The following UNC80 variants were observed in gnomAD, a reference collection of about 807,000 sequenced individuals.
The protein encoded by UNC80 is protein unc-80 homolog.
A neutral mutation model predicts 384.6 loss-of-function variants in UNC80; 164 were observed. The ratio of observed to expected loss-of-function variants is 0.43; its 90% CI spans 0.38 to 0.49. The LOEUF (loss-of-function observed/expected upper bound fraction) is 0.49, where lower values mean the gene tolerates loss of function less well. UNC80 is among the 20% of genes least tolerant of loss of function. UNC80 has a pLI of 0.00. For synonymous variants in UNC80, 1,486 were observed against 1,527.8 expected, an observed-to-expected ratio of 0.97 and a Z score of 0.64; for missense variants, 3,330 against 4,143.0, an observed-to-expected ratio of 0.80 and a Z score of 5.39.
intron 2 of UNC80, among the ~76,000 whole-genome samples, chr2:209,775,438 G>A (rs1033825908): frequency 1.4e-4 from 22 of 152,248 alleles, no homozygotes; most frequent in African/African-American, 5.3e-4. Context: ...CTTAACACCA[G>A]TTGAAGAAAC....
At chr2:209,859,926 C>A (rs1311683366) in intron 22 of UNC80, among the ~76,000 whole-genome samples, 1 of 152,062 alleles carries the variant, frequency 6.6e-6, no homozygotes, top group Non-Finnish European at 1.5e-5. Context: ...GGAAATTAGA[C>A]CTTTGTCAAA....
intron 47 of UNC80, among the ~76,000 whole-genome samples, chr2:209,948,758 C>T (rs2092024286): frequency 6.6e-6 from 1 of 151,942 alleles, no homozygotes; most frequent in Non-Finnish European, 1.5e-5. Flanking sequence ...GAGGGGATTT[C>T]CAATATTTCA....
intron 22 of UNC80, among the ~76,000 whole-genome samples, chr2:209,860,522 G>A (rs1268703374): frequency 6.6e-6 from 1 of 152,128 alleles, no homozygotes; most frequent in Non-Finnish European, 1.5e-5. Context: ...GATTGTCTTG[G>A]CTATATGGGG....
At chr2:209,958,449 C>T (rs769993904) in intron 49 of UNC80, among the ~76,000 whole-genome samples, 2 of 152,134 alleles carry the variant, frequency 1.3e-5, no homozygotes, top group African/African-American at 4.8e-5. Context: ...TCTCTGAAGC[C>T]TATTTTTAAG....
chr2:209,952,745 G>C (rs1559384807), intron 47 of UNC80, among the ~76,000 whole-genome samples: 1 of 152,104 alleles, frequency 6.6e-6, no homozygotes, highest in Non-Finnish European at 1.5e-5. Flanking sequence ...TAAAAATTTT[G>C]TCCACCCTTT....
In UNC80 at chr2:209,935,675, T is replaced by C. The variant is rs1389472463; in HGVS notation, c.6179-39T>C. Reference sequence around the variant, plus strand: ...TATGCTTTAAAATACAAATTTTCTATAGTAAAAGTCAGTTTGTTATTATTT... The same window carrying C: ...TATGCTTTAAAATACAAATTTTCTACAGTAAAAGTCAGTTTGTTATTATTT... On this transcript the variant is annotated intron_variant, in intron 39 of 64. Transcript: ENST00000673920. The C allele has an allele frequency of 1.2e-5, 14 of 1,123,574 alleles. No individual in the cohort carries two copies. The East Asian group carries it at 3.4e-4, about 27-fold the overall frequency. The allele number at this position is 1,123,574 out of a possible 1,614,324, so 69.6% of individuals were successfully genotyped here.
chr2:209,938,939 C>G (rs539352485), intron 42 of UNC80, among the ~76,000 whole-genome samples: 1 of 152,184 alleles, frequency 6.6e-6, no homozygotes, highest in East Asian at 1.9e-4. Flanking sequence ...AGAAAAGGAC[C>G]TAAGAACCAA....
intron 29 of UNC80, among the ~76,000 whole-genome samples, chr2:209,905,816 C>T (rs1462081783): frequency 6.6e-6 from 1 of 152,172 alleles, no homozygotes; most frequent in Non-Finnish European, 1.5e-5. Flanking sequence ...CTGAAAACTA[C>T]CCTGAGCAGC....
chr2:209,871,987 T>C (rs2084344171), intron 22 of UNC80, among the ~76,000 whole-genome samples: 1 of 151,982 alleles, frequency 6.6e-6, no homozygotes, highest in Admixed American at 6.6e-5. Context: ...AAAAAAAGAC[T>C]AACTCAGCAA....
chr2:209,918,097 TAC>T, intron 32 of UNC80, 139 bp downstream of exon 32: 1 of 788,276 alleles, frequency 1.3e-6, no homozygotes, highest in Non-Finnish European at 2.0e-6. Context: ...AAACCTAACA[TAC>T]ATGAATGCAT....
chr2:209,879,318 A>G (rs1336102542), intron 24 of UNC80, among the ~76,000 whole-genome samples: 1 of 152,206 alleles, frequency 6.6e-6, no homozygotes, highest in African/African-American at 2.4e-5. Flanking sequence ...TTCAGAACAG[A>G]GAGAAGTTGA....
Position 209,888,244 on chromosome 2 carries a change from A to G in UNC80, c.4260A>G (p.Gly1420=). Residue 1420 remains glycine, a synonymous_variant, in exon 26 of 65, where the codon GGA becomes GGG. Coordinates refer to ENST00000673920, the MANE Select transcript of UNC80 (RefSeq NM_001371986.1). ...SSSHTLKSDA[G]VEEKKVPSRK... ...GCCACACTCTCAAATCAGATGCAGGAGTCGAGGAGAAGAAAGGTATGGAAA... is the reference window on the plus strand; with the variant it reads ...GCCACACTCTCAAATCAGATGCAGGGGTCGAGGAGAAGAAAGGTATGGAAA... The G allele has an allele frequency of 1.3e-6, 2 of 1,551,700 alleles. No individual in the cohort carries two copies. Among genetic ancestry groups the G allele is most frequent in the South Asian group, 2.4e-5 (2 of 84,060 alleles).
chr2:209,842,416 G>C lies in UNC80; in HGVS notation c.3424G>C (p.Asp1142His). 1 of 1,550,990 alleles carries C rather than the reference G, an allele frequency of 6.4e-7. No homozygotes were observed. ...AGGAAGTGGCATGGAAAATGGAAGA[G>C]ATGAAGAGGAGAATTTCTTCAAGCG... ...GPGSGMENGR[D>H]EEENFFKRLG... The change falls in exon 21 of 65, where the codon GAT becomes CAT. Residue 1142 changes from aspartate to histidine, a missense_variant. By Grantham distance (81) the Asp-to-His change is moderately conservative. Transcript: ENST00000673920.
chr2:209,991,260 C>T (rs2125031654), intron 61 of UNC80, among the ~76,000 whole-genome samples: 1 of 152,312 alleles, frequency 6.6e-6, no homozygotes, highest in Middle Eastern at 3.4e-3. Context: ...CAAATAATCA[C>T]ATTGGCATCA....
At chr2:209,968,628 T>C (rs1242878333) in intron 52 of UNC80, 1 of 152,240 alleles carries the variant, frequency 6.6e-6, no homozygotes, top group African/African-American at 2.4e-5. Flanking sequence ...ATGGAAATGC[T>C]TGTTTTAAAA....
At chr2:209,826,176 A>G in intron 14 of UNC80, 123 bp downstream of exon 14, 2 of 1,168,838 alleles carry the variant, frequency 1.7e-6, no homozygotes. Context: ...GGAATAATTA[A>G]TGCTGTTTTG....
chr2:209,951,002 G>A (rs1432175663), intron 47 of UNC80, among the ~76,000 whole-genome samples: 5 of 151,932 alleles, frequency 3.3e-5, no homozygotes, highest in Middle Eastern at 3.4e-3. Flanking sequence ...GCAAAACCCC[G>A]TCCCTACAAA....
intron 40 of UNC80, 126 bp downstream of exon 40, chr2:209,935,934 C>A: frequency 1.7e-6 from 1 of 586,060 alleles, no homozygotes; most frequent in South Asian, 2.3e-5. Context: ...CTTTACTCTT[C>A]TAAAATCTGC....
At chr2:209,914,560 C>T (rs1319714160) in intron 31 of UNC80, among the ~76,000 whole-genome samples, 1 of 145,158 alleles carries the variant, frequency 6.9e-6, no homozygotes, top group African/African-American at 2.6e-5. Flanking sequence ...CCCCTCTCCC[C>T]ATCCCCCAGC....
Sources: gnomAD v4.1 joint callset for allele counts (sites outside exome capture counted in the v4.1 genomes callset) on GRCh38, gnomAD v4.1.1 for gene constraint, MANE v1.5 for transcripts, NCBI Gene and HGNC (gene_info 2026-07-23, HGNC 2026-07-21) for gene names.